The following KIF2C variants were observed in gnomAD, a reference collection of about 807,000 sequenced individuals.
The protein encoded by KIF2C is kinesin family member 2C, also known as kinesin-like protein KIF2C.
KIF2C carries 34 observed loss-of-function variants against 97.4 expected under a neutral mutation model. That is an observed-to-expected ratio of 0.35 (90% confidence interval 0.27 to 0.46). KIF2C has a LOEUF of 0.46. Among genes scored for constraint, KIF2C ranks in the 20% least tolerant of loss-of-function variants. The probability of loss-of-function intolerance (pLI) is 1.00; values close to 1 mark genes in which losing one functional copy is unlikely to be tolerated. For missense variants in KIF2C, 750 were observed against 907.6 expected (o/e 0.83, Z 2.23); for synonymous variants, 313 against 318.2 (o/e 0.98, Z 0.17).
chr1:44,745,701 CT>C (rs1649159047), intron 2 of KIF2C, among the ~76,000 whole-genome samples: 1 of 151,578 alleles, frequency 6.6e-6, no homozygotes, highest in Non-Finnish European at 1.5e-5. Flanking sequence ...AACTCCCGAC[CT>C]CAGGTGATCT....
chr1:44,747,016 G>T (rs899062456), intron 2 of KIF2C, among the ~76,000 whole-genome samples: 18 of 151,478 alleles, frequency 1.2e-4, no homozygotes, highest in Non-Finnish European at 1.8e-4. Context: ...TCCCGCCTCA[G>T]CCTCGGGGGG....
At position 44,753,796 on chromosome 1, in the gene KIF2C, A is replaced by C. The variant is rs1387591326; in HGVS notation, c.626A>C (p.Lys209Thr). 7 of 1,612,798 alleles carry C rather than the reference A, an allele frequency of 4.3e-6. No homozygotes were observed. Among genetic ancestry groups the C allele is most frequent in the Middle Eastern group, 3.3e-4 (2 of 6,052 alleles). Reference protein sequence around the residue: ...EKMKNKREEKKAQNSEMRMKR... With the variant: ...EKMKNKREEKTAQNSEMRMKR... ...ATGAAGAACAAGCGAGAAGAGAAGA[A>C]GGCCCAGAACTCTGAAATGAGAATG... Residue 209 changes from lysine to threonine, a missense_variant, in exon 7 of 21, where the codon AAG (lysine) becomes ACG (threonine). By Grantham distance (78) the Lys-to-Thr change is moderately conservative (BLOSUM62 -1). Transcript: ENST00000372224.
At position 44,750,587 on chromosome 1, in the gene KIF2C, A is replaced by G. The variant is rs577616443; in HGVS notation, c.439+23A>G. 62 of 1,502,984 alleles carry G rather than the reference A, an allele frequency of 4.1e-5. No individual in the cohort carries two copies. The East Asian group carries it at 1.2e-3, about 29-fold the overall frequency. 93.1% of individuals were successfully genotyped at this position (1,502,984 alleles called of 1,614,324 possible). On this transcript the variant is annotated intron_variant, in intron 5 of 20. Coordinates refer to ENST00000372224, the MANE Select transcript of KIF2C (RefSeq NM_006845.4). ...CTCGTGAGTAACGAATGTGCCCCCA[A>G]CCACCATGTTTGAGGCCCTGGAGCA...
At chr1:44,741,203 C>T (rs1396501665) in intron 2 of KIF2C, among the ~76,000 whole-genome samples, 196 bp downstream of exon 2, 24 of 151,584 alleles carry the variant, frequency 1.6e-4, no homozygotes, top group African/African-American at 4.6e-4. Context: ...GCCAACATGG[C>T]GAAACCTGTC....
intron 5 of KIF2C, among the ~76,000 whole-genome samples, chr1:44,751,471 C>A (rs6702415): frequency 0.17 from 25,925 of 150,566 alleles, 2,362 homozygotes; most frequent in East Asian, 0.28. Context: ...TCTGGGATTA[C>A]AGGCGTGAGC....
chr1:44,753,178 G>A lies in KIF2C; in HGVS notation c.486G>A (p.Leu162=), dbSNP rs1400570109. The change falls in exon 6 of 21, where the codon TTG becomes TTA. Residue 162 remains leucine, a synonymous_variant. Transcript: ENST00000372224. ...GCCCTGCAGTGGCTGAAATACCATT[G>A]AGGATGGTCAGCGAGGAGATGGAAG... ...PSCPAVAEIP[L]RMVSEEMEEQ... The A allele has an allele frequency of 6.2e-7, 1 of 1,613,962 alleles. No individual in the cohort carries two copies. The highest frequency in any genetic ancestry group is 1.3e-5 in the African/African-American group (1 of 75,044).
intron 5 of KIF2C, among the ~76,000 whole-genome samples, chr1:44,752,568 A>G (rs1274282975): frequency 6.6e-6 from 1 of 152,230 alleles, no homozygotes; most frequent in Non-Finnish European, 1.5e-5. Context: ...ATTGTGTAAG[A>G]CACACAACCA....
rs554555746 is a variant in KIF2C, at chr1:44,756,060, A to T, written c.815-15A>T. On this transcript the variant is annotated splice_polypyrimidine_tract_variant and intron_variant, in intron 9 of 20. Coordinates refer to ENST00000372224, the MANE Select transcript of KIF2C (RefSeq NM_006845.4). ...GTTTCCAGGGAGCACCCCCTGAAAT[A>T]CTCTCCTTCTGCAGAATTGGCCAAG... 8.8e-5 allele frequency: 142 copies of T among 1,613,744 alleles called. 1 individual carries two copies. In the South Asian group the frequency reaches 1.4e-3, roughly 15 times the overall value.
At chr1:44,744,530 C>T (rs1411909681) in intron 2 of KIF2C, among the ~76,000 whole-genome samples, 1 of 152,224 alleles carries the variant, frequency 6.6e-6, no homozygotes, top group Non-Finnish European at 1.5e-5. Context: ...TGCCTTTACA[C>T]TCTTATTCCT....
At chr1:44,755,512 C>T (rs190030826) in intron 8 of KIF2C, among the ~76,000 whole-genome samples, 24 of 152,340 alleles carry the variant, frequency 1.6e-4, no homozygotes, top group Admixed American at 7.8e-4. Context: ...GATCTGCCCA[C>T]CTCAGCCTCC....
intron 8 of KIF2C, 22 bp from the exon 9 acceptor site, chr1:44,755,907 G>T: frequency 1.2e-6 from 2 of 1,612,730 alleles, no homozygotes; most frequent in Non-Finnish European, 1.7e-6. Flanking sequence ...GCTGTTGGTT[G>T]CCTCCTCTCA....
chr1:44,755,996 C>G lies in KIF2C; in HGVS notation c.814+13C>G. ...CTGAATAAGCAAGGTAAGTCCTGTT[C>G]AGTCAGGAAGAGGCTTCAGACTGAC... is the stretch of plus-strand genomic sequence containing the variant. On this transcript the variant is annotated intron_variant, in intron 9 of 20. Coordinates refer to ENST00000372224, the MANE Select transcript of KIF2C (RefSeq NM_006845.4). 3 of 1,614,034 alleles carry G rather than the reference C, an allele frequency of 1.9e-6. No homozygotes were observed. The highest frequency in any genetic ancestry group is 2.2e-5 in the East Asian group (1 of 44,880).
At chr1:44,740,129 T>A in intron 1 of KIF2C, 127 bp downstream of exon 1, 2 of 1,095,542 alleles carry the variant, frequency 1.8e-6, no homozygotes, top group Admixed American at 3.4e-5. Flanking sequence ...TCACACGCAC[T>A]CACTCCGGGT....
Position 44,750,544 on chromosome 1 carries a change from G to C in KIF2C, c.419G>C (p.Arg140Pro). ...GAGCTGCCTGCAGCTGCAAACTCCC[G>C]CAAGCAGTTTTCAGTTCCTCGTGAG... ...EVELPAAANSRKQFSVPPAPT... is the reference protein window; with the variant it reads ...EVELPAAANSPKQFSVPPAPT... The change falls in exon 5 of 21, where the codon CGC becomes CCC. Residue 140 changes from arginine (R) to proline (P), a missense_variant. Transcript: ENST00000372224. The C allele has an allele frequency of 6.3e-7, 1 of 1,582,010 alleles. No homozygotes were observed. Among genetic ancestry groups the C allele is most frequent in the Non-Finnish European group, 8.6e-7 (1 of 1,161,610 alleles).
chr1:44,757,792 G>T, intron 11 of KIF2C, 116 bp from the exon 12 acceptor site: 1 of 1,190,796 alleles, frequency 8.4e-7, no homozygotes, highest in Non-Finnish European at 1.2e-6. Context: ...ATGCAGGGAG[G>T]GGCTTTAGGT....
chr1:44,758,291 G>T, intron 13 of KIF2C, 151 bp downstream of exon 13: 1 of 661,368 alleles, frequency 1.5e-6, no homozygotes, highest in African/African-American at 1.8e-5. Flanking sequence ...ACATGTAGGT[G>T]GTTTAATCTG....
At chr1:44,747,771 G>A in intron 4 of KIF2C, 71 bp downstream of exon 4, 1 of 1,389,124 alleles carries the variant, frequency 7.2e-7, no homozygotes, top group African/African-American at 1.4e-5. Flanking sequence ...ACTCAGAGTT[G>A]TGGAAGCTCC....
At chr1:44,763,035 G>C (rs1033107911) in intron 19 of KIF2C, among the ~76,000 whole-genome samples, 2 of 152,172 alleles carry the variant, frequency 1.3e-5, no homozygotes, top group Non-Finnish European at 2.9e-5. Flanking sequence ...TAGGCCCTAA[G>C]GGTATGACTT....
chr1:44,743,509 C>T (rs1557588292), intron 2 of KIF2C, among the ~76,000 whole-genome samples: 1 of 152,166 alleles, frequency 6.6e-6, no homozygotes, highest in Non-Finnish European at 1.5e-5. Flanking sequence ...TAAAATAATA[C>T]ATGTAGCTGG....
Sources: gnomAD v4.1 joint callset for allele counts (sites outside exome capture counted in the v4.1 genomes callset) on GRCh38, gnomAD v4.1.1 for gene constraint, MANE v1.5 for transcripts, NCBI Gene and HGNC (gene_info 2026-07-23, HGNC 2026-07-21) for gene names.